The following ASAP1 variants were observed in gnomAD, a reference collection of about 807,000 sequenced individuals.
The protein encoded by ASAP1 is ArfGAP with SH3 domain, ankyrin repeat and PH domain 1, also known as arf-GAP with SH3 domain, ANK repeat and PH domain-containing protein 1.
Under a neutral mutation model 145.2 loss-of-function variants are expected in ASAP1, and 43 were observed. That is an observed-to-expected ratio of 0.30 (90% CI 0.23 to 0.38). The LOEUF (loss-of-function observed/expected upper bound fraction) is 0.38, where lower values mean the gene tolerates loss of function less well. ASAP1 is among the 10% of genes least tolerant of loss of function. The pLI, the probability that ASAP1 is intolerant of heterozygous loss-of-function variation, is 1.00. For missense variants in ASAP1, 1,018 were observed against 1,355.3 expected (o/e 0.75, Z 3.91); for synonymous variants, 546 against 515.5 (o/e 1.06, Z -0.80).
intron 3 of ASAP1, among the ~76,000 whole-genome samples, chr8:130,344,079 A>G (rs1825554507): frequency 6.6e-6 from 1 of 152,242 alleles, no homozygotes; most frequent in South Asian, 2.1e-4. Flanking sequence ...AGTAGACTGT[A>G]GCTTACGTTA....
chr8:130,081,399 C>T (rs1463817451), intron 25 of ASAP1, among the ~76,000 whole-genome samples: 1 of 152,192 alleles, frequency 6.6e-6, no homozygotes, highest in Non-Finnish European at 1.5e-5. Context: ...GCATGGGCAC[C>T]CTGTCTCTGG....
At chr8:130,197,986 C>T (rs552687223) in intron 5 of ASAP1, among the ~76,000 whole-genome samples, 1 of 152,114 alleles carries the variant, frequency 6.6e-6, no homozygotes, top group African/African-American at 2.4e-5. Context: ...TGTATGTAAG[C>T]CCCTAATACA....
chr8:130,140,229 G>C (rs2097607164), intron 13 of ASAP1, among the ~76,000 whole-genome samples: 1 of 151,608 alleles, frequency 6.6e-6, no homozygotes, highest in Admixed American at 6.6e-5. Context: ...TTTTAGTGGA[G>C]ACAGTCTCTC....
At chr8:130,083,640 G>A (rs780913812) in intron 25 of ASAP1, 2 of 152,090 alleles carry the variant, frequency 1.3e-5, no homozygotes, top group Non-Finnish European at 2.9e-5. Flanking sequence ...TATAAAGTAC[G>A]GGACACAGTG....
At chr8:130,101,013 G>C (rs1347431943) in intron 24 of ASAP1, among the ~76,000 whole-genome samples, 5 of 152,134 alleles carry the variant, frequency 3.3e-5, no homozygotes, top group African/African-American at 1.2e-4. Flanking sequence ...GAGATACCCA[G>C]CTTTCTCAGC....
At chr8:130,219,161 A>C (rs972329282) in intron 4 of ASAP1, among the ~76,000 whole-genome samples, 1 of 146,972 alleles carries the variant, frequency 6.8e-6, no homozygotes, top group Non-Finnish European at 1.5e-5. Context: ...GATGTCTGTA[A>C]TATCAAACAG....
intron 27 of ASAP1, among the ~76,000 whole-genome samples, chr8:130,065,014 AC>A (rs1250504594): frequency 1.3e-5 from 2 of 151,834 alleles, no homozygotes; most frequent in Non-Finnish European, 2.9e-5. Flanking sequence ...AGCTAGGACT[AC>A]AGGCCTGTGT....
chr8:130,177,611 ACTTAAT>A (rs1048342357), intron 9 of ASAP1, among the ~76,000 whole-genome samples: 4 of 152,188 alleles, frequency 2.6e-5, no homozygotes, highest in African/African-American at 4.8e-5. Context: ...CAATAAACAA[ACTTAAT>A]CTTAAGAAGG....
chr8:130,325,172 C>T (rs1415205445), intron 3 of ASAP1, among the ~76,000 whole-genome samples: 1 of 152,224 alleles, frequency 6.6e-6, no homozygotes, highest in Non-Finnish European at 1.5e-5. Context: ...TTTCTGAAAA[C>T]TCAGATGAGT....
At chr8:130,114,290 G>A (rs2097551296) in intron 23 of ASAP1, among the ~76,000 whole-genome samples, 1 of 152,096 alleles carries the variant, frequency 6.6e-6, no homozygotes, top group Non-Finnish European at 1.5e-5. Flanking sequence ...ATAGCCTATT[G>A]CTCCCAGGCT....
At chr8:130,111,451 C>T (rs1211823078) in intron 24 of ASAP1, among the ~76,000 whole-genome samples, 1 of 152,116 alleles carries the variant, frequency 6.6e-6, no homozygotes, top group Non-Finnish European at 1.5e-5. Context: ...GGGTTAGAAT[C>T]CCAGGCTGAG....
At chr8:130,319,950 A>T (rs1195034221) in intron 3 of ASAP1, among the ~76,000 whole-genome samples, 1 of 152,220 alleles carries the variant, frequency 6.6e-6, no homozygotes, top group Non-Finnish European at 1.5e-5. Context: ...GTTCTATATA[A>T]AGTCTTCACT....
rs5895034 is a variant in ASAP1, at chr8:130,074,486, C to CACACACAG, written c.2701+1861_2701+1862insCTGTGTGT. Reference sequence around the variant, plus strand: ...ACACACACACACACACACACACACACAGAGAGAACGAGAGTAGAGCAACGG... The same window carrying CACACACAG: ...ACACACACACACACACACACACACACACACACAGAGAGAGAACGAGAGTAGAGCAACGG... On this transcript the variant is annotated intron_variant, in intron 27 of 29. Coordinates refer to ENST00000518721, the MANE Select transcript of ASAP1 (RefSeq NM_018482.4). 5.5e-3 allele frequency among the ~76,000 whole-genome samples: 767 copies of CACACACAG among 140,556 alleles called. 31 individuals carry two copies. Among genetic ancestry groups the CACACACAG allele is most frequent in the Admixed American group, 9.8e-3 (135 of 13,816 alleles). The allele number at this position is 140,556 out of a possible 152,430, so 92.2% of individuals were successfully genotyped here. A position where few individuals can be genotyped will look rare whatever the true frequency, so the allele number is the denominator to read the frequency against.
chr8:130,418,048 G>A (rs957970833), intron 1 of ASAP1, among the ~76,000 whole-genome samples: 5 of 152,228 alleles, frequency 3.3e-5, no homozygotes, highest in African/African-American at 7.2e-5. Context: ...CAAGGGAGGG[G>A]AGGAGAACTT....
At chr8:130,217,202 G>C (rs2136456805) in intron 4 of ASAP1, among the ~76,000 whole-genome samples, 1 of 152,208 alleles carries the variant, frequency 6.6e-6, no homozygotes, top group South Asian at 2.1e-4. Context: ...CCTCTGTTGT[G>C]GCGCACAGAG....
chr8:130,364,585 T>C (rs1302900590), intron 2 of ASAP1, among the ~76,000 whole-genome samples: 1 of 152,152 alleles, frequency 6.6e-6, no homozygotes, highest in Non-Finnish European at 1.5e-5. Flanking sequence ...CTTTTTCTGT[T>C]GGGGTATATG....
At chr8:130,265,417 T>C (rs902902234) in intron 3 of ASAP1, among the ~76,000 whole-genome samples, 15 of 150,738 alleles carry the variant, frequency 1.0e-4, no homozygotes, top group African/African-American at 3.7e-4. Flanking sequence ...CTAAAATTTT[T>C]AAAAAAGTAA....
intron 3 of ASAP1, among the ~76,000 whole-genome samples, chr8:130,267,151 CA>C (rs1191920384): frequency 6.3e-5 from 9 of 143,354 alleles, no homozygotes; most frequent in Admixed American, 2.1e-4. Context: ...AAAAACAAAA[CA>C]AAAAAAAACT....
intron 7 of ASAP1, among the ~76,000 whole-genome samples, chr8:130,186,610 G>A (rs1382506359): frequency 7.9e-5 from 12 of 152,136 alleles, no homozygotes; most frequent in Non-Finnish European, 1.5e-4. Flanking sequence ...AGAACTCCAC[G>A]AGGTTGGTGG....
Sources: allele counts gnomAD v4.1 joint callset (sites outside exome capture counted in the v4.1 genomes callset), GRCh38; gene constraint gnomAD v4.1.1; transcripts MANE v1.5; gene names NCBI Gene and HGNC (gene_info 2026-07-23, HGNC 2026-07-21).